CNTNAP5: variants seen among roughly 807,000 people sequenced by gnomAD.
The protein encoded by CNTNAP5 is contactin associated protein family member 5.
Under a neutral mutation model 150.2 loss-of-function variants are expected in CNTNAP5, and 72 were observed. That is an observed-to-expected ratio of 0.48 (90% confidence interval 0.40 to 0.58). The LOEUF (loss-of-function observed/expected upper bound fraction) is 0.58. Among genes scored for constraint, CNTNAP5 ranks in the 20% least tolerant of loss-of-function variants. The probability of loss-of-function intolerance (pLI) is 0.00; values close to 1 mark genes in which losing one functional copy is unlikely to be tolerated. For synonymous variants in CNTNAP5, 672 were observed against 619.8 expected (o/e 1.08, Z -1.25); for missense variants, 1,636 against 1,626.2 (o/e 1.01, Z -0.10).
intron 3 of CNTNAP5, among the ~76,000 whole-genome samples, chr2:124,320,856 T>C (rs1689081677): frequency 6.6e-6 from 1 of 152,168 alleles, no homozygotes; most frequent in South Asian, 2.1e-4. Flanking sequence ...TGGTGGACCG[T>C]GCATTTCTGA....
At chr2:124,721,574 C>CAAAT (rs1262139915) in intron 13 of CNTNAP5, among the ~76,000 whole-genome samples, 3 of 151,430 alleles carry the variant, frequency 2.0e-5, no homozygotes, top group African/African-American at 7.3e-5. Flanking sequence ...CAGAAGCAGA[C>CAAAT]AAATAGACAT....
rs150425882 is a variant in CNTNAP5 at position 124,537,402 on chromosome 2, G to A, written c.1649+9946G>A. ...GCTGTGGAACACCTCGGTGCCTCAC[G>A]GGTTATCATCCCTATCCTCGCAGCT... On this transcript the variant is annotated intron_variant, in intron 10 of 23. Transcript: ENST00000682447. Among the ~76,000 whole-genome samples, 587 of 152,252 alleles carry A rather than the reference G, an allele frequency of 3.9e-3. 3 individuals carry two copies. The highest frequency in any genetic ancestry group is 0.013 in the African/African-American group (560 of 41,546).
chr2:124,531,383 G>T (rs550994532), intron 10 of CNTNAP5, among the ~76,000 whole-genome samples: 2 of 152,244 alleles, frequency 1.3e-5, no homozygotes, highest in African/African-American at 2.4e-5. Flanking sequence ...GACCAGCACT[G>T]GTTCTGGTTT....
chr2:124,732,048 C>T (rs761603738), intron 13 of CNTNAP5, among the ~76,000 whole-genome samples: 1 of 151,972 alleles, frequency 6.6e-6, no homozygotes, highest in Non-Finnish European at 1.5e-5. Flanking sequence ...GTATATTTTA[C>T]TTAGACAAAG....
chr2:124,182,621 T>C (rs17011031), intron 1 of CNTNAP5, among the ~76,000 whole-genome samples: 36,008 of 152,086 alleles, frequency 0.24, 4,660 homozygotes, highest in African/African-American at 0.34. Flanking sequence ...CTTATGAGAC[T>C]GTATGTTTCT....
chr2:124,162,837 A>T (rs1008545702), intron 1 of CNTNAP5, among the ~76,000 whole-genome samples: 1 of 149,370 alleles, frequency 6.7e-6, no homozygotes, highest in Non-Finnish European at 1.5e-5. Flanking sequence ...ATTTCAAGGC[A>T]TGTTTTTTAT....
At chr2:124,319,325 AC>A (rs1417388828) in intron 3 of CNTNAP5, among the ~76,000 whole-genome samples, 1 of 152,240 alleles carries the variant, frequency 6.6e-6, no homozygotes, top group Non-Finnish European at 1.5e-5. Flanking sequence ...ATGTATGTAA[AC>A]AACTCATTCT....
At chr2:124,823,600 A>G (rs1682534415) in intron 19 of CNTNAP5, among the ~76,000 whole-genome samples, 1 of 152,170 alleles carries the variant, frequency 6.6e-6, no homozygotes, top group African/African-American at 2.4e-5. Context: ...CCCTGCTCAC[A>G]TTGTTCTTTG....
intron 4 of CNTNAP5, among the ~76,000 whole-genome samples, chr2:124,425,801 A>G (rs1573987257): frequency 3.3e-5 from 5 of 152,224 alleles, no homozygotes; most frequent in Admixed American, 2.6e-4. Flanking sequence ...CCTCGGTGGC[A>G]TGGCTCACGT....
chr2:124,805,161 G>A (rs1682055159), intron 19 of CNTNAP5, among the ~76,000 whole-genome samples: 1 of 152,134 alleles, frequency 6.6e-6, no homozygotes, highest in Non-Finnish European at 1.5e-5. Flanking sequence ...GGTACAGGGT[G>A]TCCTCTTGAA....
At chr2:124,683,984 T>C (rs907394842) in intron 13 of CNTNAP5, among the ~76,000 whole-genome samples, 4 of 152,262 alleles carry the variant, frequency 2.6e-5, no homozygotes, top group Non-Finnish European at 5.9e-5. Flanking sequence ...TGGGGATGCT[T>C]CGAGCCAGAT....
At chr2:124,628,387 C>A (rs538583033) in intron 12 of CNTNAP5, among the ~76,000 whole-genome samples, 10 of 152,166 alleles carry the variant, frequency 6.6e-5, no homozygotes, top group Non-Finnish European at 1.5e-4. Flanking sequence ...CTGTACAAAC[C>A]AGAAGAGCTT....
chr2:124,699,099 C>T (rs1273949249), intron 13 of CNTNAP5, among the ~76,000 whole-genome samples: 1 of 152,066 alleles, frequency 6.6e-6, no homozygotes, highest in Non-Finnish European at 1.5e-5. Context: ...TGGCTGACAG[C>T]TACAATACTG....
At chr2:124,771,801 C>T (rs962606267) in intron 16 of CNTNAP5, among the ~76,000 whole-genome samples, 2 of 151,456 alleles carry the variant, frequency 1.3e-5, no homozygotes, top group African/African-American at 4.9e-5. Context: ...TCACCATTAC[C>T]ATCACCATCG....
intron 1 of CNTNAP5, among the ~76,000 whole-genome samples, chr2:124,103,697 C>T (rs772570655): frequency 1.3e-5 from 2 of 151,904 alleles, no homozygotes; most frequent in East Asian, 1.9e-4. Context: ...TGTCTAGATG[C>T]GTGTAAGGAC....
Position 124,813,581 on chromosome 2 carries a change from G to A in CNTNAP5, c.3217+15261G>A, listed in dbSNP as rs182242213. On this transcript the variant is annotated intron_variant, in intron 19 of 23. Coordinates refer to ENST00000682447, the MANE Select transcript of CNTNAP5 (RefSeq NM_001367498.1). ...GGCAACTTTACTTGGTTGTCCCCTA[G>A]GCCTCTAAAACTCAACACTTCACAA... Among the ~76,000 whole-genome samples, 367 of 148,540 alleles carry A rather than the reference G, an allele frequency of 2.5e-3. 2 individuals carry two copies. Among genetic ancestry groups the A allele is most frequent in the African/African-American group, 8.6e-3 (353 of 41,112 alleles).
chr2:124,765,099 A>C (rs1365219855), intron 16 of CNTNAP5, among the ~76,000 whole-genome samples: 3 of 152,138 alleles, frequency 2.0e-5, no homozygotes, highest in African/African-American at 7.2e-5. Flanking sequence ...CAAATAGATA[A>C]GGTTTTAAAC....
intron 1 of CNTNAP5, among the ~76,000 whole-genome samples, chr2:124,180,712 G>T (rs532072865): frequency 6.6e-6 from 1 of 152,212 alleles, no homozygotes; most frequent in East Asian, 1.9e-4. Flanking sequence ...AATATGTTAT[G>T]TGGAAACATA....
chr2:124,359,204 TA>T (rs997159822), intron 3 of CNTNAP5, among the ~76,000 whole-genome samples: 10 of 152,036 alleles, frequency 6.6e-5, no homozygotes, highest in African/African-American at 2.4e-4. Flanking sequence ...TTTTTTTCTT[TA>T]TTAGTCTTGC....
Sources: allele counts gnomAD v4.1 joint callset (sites outside exome capture counted in the v4.1 genomes callset), GRCh38; gene constraint gnomAD v4.1.1; transcripts MANE v1.5; gene names NCBI Gene and HGNC (gene_info 2026-07-23, HGNC 2026-07-21).